EDARADD: variants seen among roughly 807,000 people sequenced by gnomAD.
EDARADD encodes the protein EDAR associated via death domain, also known as ectodysplasin-A receptor-associated adapter protein.
A neutral mutation model predicts 25.6 loss-of-function variants in EDARADD; 20 were observed. The observed-to-expected ratio is 0.78, with a 90% CI of 0.55 to 1.14. EDARADD has a LOEUF of 1.14. Ranked by LOEUF, EDARADD falls within the 50% of genes most tolerant of loss-of-function variation. The pLI is 0.00. For missense variants in EDARADD, 225 were observed against 270.1 expected (o/e 0.83, Z 1.17); for synonymous variants, 86 against 94.4 (o/e 0.91, Z 0.52).
intron 5 of EDARADD, among the ~76,000 whole-genome samples, chr1:236,476,464 T>C (rs1384188903): frequency 1.1e-4 from 16 of 152,044 alleles, no homozygotes; most frequent in Non-Finnish European, 2.4e-4. Flanking sequence ...GGCAGGTGGA[T>C]TGCTTCAGCC....
chr1:236,460,187 C>CTTT (rs535170345), intron 4 of EDARADD, among the ~76,000 whole-genome samples: 1,635 of 138,560 alleles, frequency 0.012, 31 homozygotes, highest in African/African-American at 0.034. Flanking sequence ...TTTTTCTTTT[C>CTTT]TTTTTTTTTT....
intron 3 of EDARADD, among the ~76,000 whole-genome samples, chr1:236,367,033 G>A (rs1476934853): frequency 1.4e-5 from 2 of 138,958 alleles, no homozygotes; most frequent in Admixed American, 7.6e-5. Context: ...GCAGTGAGCC[G>A]AGATTGTACC....
At chr1:236,420,146 A>C (rs1471906732) in intron 3 of EDARADD, among the ~76,000 whole-genome samples, 1 of 152,218 alleles carries the variant, frequency 6.6e-6, no homozygotes, top group African/African-American at 2.4e-5. Context: ...AGATCATGCC[A>C]CTGCACTCCA....
chr1:236,475,037 G>T (rs1659464534), intron 5 of EDARADD, among the ~76,000 whole-genome samples: 1 of 152,128 alleles, frequency 6.6e-6, no homozygotes, highest in Admixed American at 6.5e-5. Context: ...GGAGGGTGAG[G>T]CAGGAGAATC....
chr1:236,349,798 GA>G (rs1402095964), intron 2 of EDARADD, among the ~76,000 whole-genome samples: 5 of 149,520 alleles, frequency 3.3e-5, no homozygotes, highest in South Asian at 4.3e-4. Flanking sequence ...AGGAAGGAAG[GA>G]AAAAAAAAGG....
chr1:236,471,251 T>C (rs1480118313), intron 5 of EDARADD, among the ~76,000 whole-genome samples: 1 of 152,172 alleles, frequency 6.6e-6, no homozygotes, highest in Non-Finnish European at 1.5e-5. Context: ...GTTTTTCCCC[T>C]TTGGTTAAGA....
chr1:236,449,128 G>A (rs562419083), intron 4 of EDARADD, among the ~76,000 whole-genome samples: 5 of 152,268 alleles, frequency 3.3e-5, no homozygotes, highest in Non-Finnish European at 5.9e-5. Context: ...GCTTGTAGAA[G>A]CATCATCGCA....
chr1:236,351,857 T>G (rs1572104980), intron 3 of EDARADD, among the ~76,000 whole-genome samples: 1 of 152,158 alleles, frequency 6.6e-6, no homozygotes, highest in Non-Finnish European at 1.5e-5. Flanking sequence ...CCTTTATGGG[T>G]TTTTTTAATC....
intron 4 of EDARADD, among the ~76,000 whole-genome samples, chr1:236,463,334 T>C (rs1002261722): frequency 7.2e-5 from 11 of 152,290 alleles, no homozygotes; most frequent in African/African-American, 2.4e-4. Context: ...AACTCTGTCA[T>C]CCAGGCTGGA....
At chr1:236,427,323 A>C in intron 3 of EDARADD, 69 bp from the exon 4 acceptor site, 1 of 1,498,890 alleles carries the variant, frequency 6.7e-7, no homozygotes, top group Non-Finnish European at 9.1e-7. Flanking sequence ...TTTAGGTCTT[A>C]CACCACGGAG....
At chr1:236,468,906 A>C (rs1049181684) in intron 5 of EDARADD, among the ~76,000 whole-genome samples, 2 of 151,994 alleles carry the variant, frequency 1.3e-5, no homozygotes, top group Non-Finnish European at 2.9e-5. Flanking sequence ...ATTGGTGGAG[A>C]ACATGCTGTT....
chr1:236,352,225 C>T (rs1361653252), intron 3 of EDARADD, among the ~76,000 whole-genome samples: 2 of 152,136 alleles, frequency 1.3e-5, no homozygotes, highest in Admixed American at 6.5e-5. Context: ...TCTCAATGCC[C>T]GCTAAAACTG....
intron 5 of EDARADD, among the ~76,000 whole-genome samples, chr1:236,472,341 G>T (rs942939446): frequency 6.6e-6 from 1 of 152,168 alleles, no homozygotes; most frequent in African/African-American, 2.4e-5. Context: ...AGTCCTGGCT[G>T]CACATTAGAA....
intron 3 of EDARADD, among the ~76,000 whole-genome samples, chr1:236,388,128 A>G (rs201091712): frequency 1.3e-5 from 2 of 149,594 alleles, no homozygotes; most frequent in African/African-American, 2.4e-5. Context: ...TGCATTGTGT[A>G]TGTGTGTGTG....
chr1:236,403,656 C>A (rs1667656578), intron 1 of EDARADD, among the ~76,000 whole-genome samples: 1 of 152,190 alleles, frequency 6.6e-6, no homozygotes, highest in Non-Finnish European at 1.5e-5. Context: ...GATACTACTA[C>A]TCACCACTCA....
chr1:236,403,798 T>C (rs1325250900), intron 1 of EDARADD, among the ~76,000 whole-genome samples: 1 of 152,208 alleles, frequency 6.6e-6, no homozygotes, highest in African/African-American at 2.4e-5. Flanking sequence ...GCAGCCTCTG[T>C]GAGCCAGGCC....
intron 3 of EDARADD, among the ~76,000 whole-genome samples, chr1:236,385,778 A>C: frequency 6.6e-6 from 1 of 151,942 alleles, no homozygotes; most frequent in Non-Finnish European, 1.5e-5. Context: ...ATTCTCTTGT[A>C]TTCTCTCTTA....
At chr1:236,451,252 G>A (rs1439876297) in intron 4 of EDARADD, among the ~76,000 whole-genome samples, 1 of 152,092 alleles carries the variant, frequency 6.6e-6, no homozygotes, top group Non-Finnish European at 1.5e-5. Context: ...GTGTCACCTG[G>A]AGCTGGTTCC....
intron 3 of EDARADD, among the ~76,000 whole-genome samples, chr1:236,384,952 T>C (rs899871125): frequency 6.6e-6 from 1 of 152,124 alleles, no homozygotes; most frequent in Non-Finnish European, 1.5e-5. Flanking sequence ...CTTTGTTATA[T>C]AGCAAAGATT....
Sources: allele counts gnomAD v4.1 joint callset (sites outside exome capture counted in the v4.1 genomes callset), GRCh38; gene constraint gnomAD v4.1.1; transcripts MANE v1.5; gene names NCBI Gene and HGNC (gene_info 2026-07-23, HGNC 2026-07-21).